Variants in UVRAG observed in about 807,000 individuals in gnomAD.
The protein encoded by UVRAG is UV radiation resistance-associated gene protein.
Under a neutral mutation model 78.0 loss-of-function variants are expected in UVRAG, and 19 were observed. The ratio of observed to expected loss-of-function variants is 0.24; its 90% CI spans 0.17 to 0.36. UVRAG has a LOEUF of 0.36. UVRAG is among the 10% of genes least tolerant of loss of function. UVRAG has a pLI of 1.00. For missense variants in UVRAG, 740 were observed against 853.8 expected (o/e 0.87, Z 1.66); for synonymous variants, 323 against 324.6 (o/e 1.00, Z 0.05).
chr11:75,888,632 G>A (rs559916575), intron 4 of UVRAG, among the ~76,000 whole-genome samples, 197 bp from the exon 5 acceptor site: 2 of 152,262 alleles, frequency 1.3e-5, no homozygotes, highest in East Asian at 3.9e-4. Flanking sequence ...GTTTTGCAAG[G>A]CCTTTGACTA....
chr11:76,052,443 C>T (rs1295573484), intron 12 of UVRAG, among the ~76,000 whole-genome samples: 2 of 152,146 alleles, frequency 1.3e-5, no homozygotes, highest in African/African-American at 2.4e-5. Flanking sequence ...CTGAGCTCCC[C>T]TCTCTCTATG....
At chr11:76,086,921 A>T (rs1951598311) in intron 13 of UVRAG, among the ~76,000 whole-genome samples, 1 of 152,216 alleles carries the variant, frequency 6.6e-6, no homozygotes, top group African/African-American at 2.4e-5. Flanking sequence ...GTTGCTGTTT[A>T]TAGCAAGAAA....
At chr11:76,048,518 C>G (rs1157583038) in intron 12 of UVRAG, among the ~76,000 whole-genome samples, 2 of 152,168 alleles carry the variant, frequency 1.3e-5, no homozygotes, top group African/African-American at 4.8e-5. Context: ...TGGTTGCTGT[C>G]AGATCAGTGA....
intron 14 of UVRAG, among the ~76,000 whole-genome samples, chr11:76,121,711 C>G (rs1952280014): frequency 6.6e-6 from 1 of 152,174 alleles, no homozygotes; most frequent in Non-Finnish European, 1.5e-5. Flanking sequence ...AGGCATAGCA[C>G]TCTCATTTGT....
chr11:75,878,846 C>T (rs1946872245), intron 3 of UVRAG, among the ~76,000 whole-genome samples: 1 of 134,690 alleles, frequency 7.4e-6, no homozygotes, highest in African/African-American at 2.8e-5. Context: ...CAGAGGGAGA[C>T]CATGGAAAGA....
At chr11:76,049,441 A>C (rs918242284) in intron 12 of UVRAG, among the ~76,000 whole-genome samples, 2 of 152,228 alleles carry the variant, frequency 1.3e-5, no homozygotes, top group Admixed American at 6.5e-5. Context: ...CAGCTTATCA[A>C]ATCACTTGGT....
chr11:75,907,835 C>T (rs544045061), intron 5 of UVRAG, among the ~76,000 whole-genome samples: 32 of 152,004 alleles, frequency 2.1e-4, no homozygotes, highest in Non-Finnish European at 4.3e-4. Flanking sequence ...TTTCATGTAT[C>T]GAAATTCCCT....
At chr11:76,065,560 A>T (rs561978476) in intron 12 of UVRAG, 150 bp from the exon 13 acceptor site, 2 of 587,438 alleles carry the variant, frequency 3.4e-6, no homozygotes, top group Non-Finnish European at 6.0e-6. Flanking sequence ...TATTATGAAG[A>T]TGTCAGTAGA....
chr11:76,034,895 C>T (rs1950503602), intron 12 of UVRAG, among the ~76,000 whole-genome samples: 1 of 152,178 alleles, frequency 6.6e-6, no homozygotes, highest in African/African-American at 2.4e-5. Context: ...GAAGTATTAA[C>T]TGTAGCTAGT....
rs151334402 is a variant in UVRAG at position 76,033,732 on chromosome 11, A to G, written c.1226+16752A>G. ...GAACAAACCCTAGATGTTTAATAAC[A>G]TAAGAAAAATACTCAGCCTCACTAA... On this transcript the variant is annotated intron_variant, in intron 12 of 14. Transcript: ENST00000356136. 8.6e-3 allele frequency among the ~76,000 whole-genome samples: 1,309 copies of G among 152,330 alleles called. 8 individuals are homozygous for G. The highest frequency in any genetic ancestry group is 0.013 in the Non-Finnish European group (897 of 68,020).
intron 13 of UVRAG, among the ~76,000 whole-genome samples, chr11:76,095,906 G>A (rs868327272): frequency 1.7e-4 from 25 of 148,676 alleles, no homozygotes; most frequent in African/African-American, 5.7e-4. Context: ...CTTAGAGGGA[G>A]ATGCCACCTC....
intron 13 of UVRAG, among the ~76,000 whole-genome samples, chr11:76,105,729 T>C (rs1409333725): frequency 6.6e-6 from 1 of 152,122 alleles, no homozygotes; most frequent in South Asian, 2.1e-4. Context: ...GCCTGAGTGA[T>C]AGAATGACAC....
chr11:75,934,758 A>T (rs1448186932), intron 6 of UVRAG, among the ~76,000 whole-genome samples: 3 of 152,222 alleles, frequency 2.0e-5, no homozygotes, highest in African/African-American at 7.2e-5. Context: ...GCCTAGTAAG[A>T]ATCCATAGGC....
In UVRAG at chr11:75,999,547, A is replaced by G. The variant is rs182886950; in HGVS notation, c.827-4458A>G. ...AGGCGCACACCACCACACCCGGCTAATTTTTGTATTTTTAGTAGAGACGGG... is the reference window on the plus strand; with the variant it reads ...AGGCGCACACCACCACACCCGGCTAGTTTTTGTATTTTTAGTAGAGACGGG... On this transcript the variant is annotated intron_variant, in intron 8 of 14. Coordinates refer to ENST00000356136, the MANE Select transcript of UVRAG (RefSeq NM_003369.4). Among the ~76,000 whole-genome samples, 495 of 151,676 alleles carry G rather than the reference A, an allele frequency of 3.3e-3. 2 individuals are homozygous for G. The highest frequency in any genetic ancestry group is 0.011 in the African/African-American group (471 of 41,342).
chr11:75,888,259 G>C (rs11825180), intron 4 of UVRAG, among the ~76,000 whole-genome samples: 15,706 of 151,984 alleles, frequency 0.1, 1,569 homozygotes, highest in African/African-American at 0.26. Context: ...ACAGCCTCCC[G>C]AGTAGCTGGG....
intron 6 of UVRAG, among the ~76,000 whole-genome samples, chr11:75,949,746 TATAC>T (rs1427099224): frequency 2.0e-5 from 3 of 149,682 alleles, no homozygotes; most frequent in African/African-American, 7.4e-5. Context: ...CACATATATA[TATAC>T]ACACATATGT....
chr11:76,018,939 C>T (rs951247974), intron 12 of UVRAG, among the ~76,000 whole-genome samples: 3 of 152,138 alleles, frequency 2.0e-5, no homozygotes, highest in African/African-American at 4.8e-5. Flanking sequence ...ATCTCTTTCT[C>T]GACCTCCTCT....
Position 75,879,927 on chromosome 11 carries a change from G to C in UVRAG, c.319G>C (p.Asp107His). The change falls in exon 4 of 15, where the codon GAT becomes CAT. Residue 107 changes from aspartate (D) to histidine (H), a missense_variant. Asp to His is a moderately conservative substitution (Grantham distance 81, BLOSUM62 -1). Transcript: ENST00000356136. Reference sequence around the variant, plus strand: ...TTTTGGAATTATGCCAGACCGTCTTGATACATCTGTGTCTTGTTTCGTGGT... The same window carrying C: ...TTTTGGAATTATGCCAGACCGTCTTCATACATCTGTGTCTTGTTTCGTGGT... ...LDFGIMPDRLDTSVSCFVVKI... is the reference protein window; with the variant it reads ...LDFGIMPDRLHTSVSCFVVKI... 2 of 1,614,182 alleles carry C rather than the reference G, an allele frequency of 1.2e-6. No individual in the cohort carries two copies. The highest frequency in any genetic ancestry group is 1.7e-6 in the Non-Finnish European group (2 of 1,180,026).
At chr11:75,996,670 G>C (rs143712632) in intron 8 of UVRAG, among the ~76,000 whole-genome samples, 2 of 152,258 alleles carry the variant, frequency 1.3e-5, no homozygotes, top group East Asian at 3.9e-4. Flanking sequence ...ACTGGGGGCA[G>C]GCACAATAAT....
Sources: gnomAD v4.1 joint callset for allele counts (sites outside exome capture counted in the v4.1 genomes callset) on GRCh38, gnomAD v4.1.1 for gene constraint, MANE v1.5 for transcripts, NCBI Gene and HGNC (gene_info 2026-07-23, HGNC 2026-07-21) for gene names.